The following COL4A2 variants were observed in gnomAD, a reference collection of about 807,000 sequenced individuals.
COL4A2 encodes the protein collagen alpha-2(IV) chain.
Under a neutral mutation model 200.2 loss-of-function variants are expected in COL4A2, and 99 were observed. That is an observed-to-expected ratio of 0.49 (90% CI 0.42 to 0.58). The LOEUF is 0.58. Ranked by LOEUF, COL4A2 falls within the 20% of genes least tolerant of loss-of-function variation. The pLI, the probability that COL4A2 is intolerant of heterozygous loss-of-function variation, is 0.00. For synonymous variants in COL4A2, 897 were observed against 900.6 expected (o/e 1.00, Z 0.07); for missense variants, 1,950 against 2,314.1 (o/e 0.84, Z 3.23).
chr13:110,453,791 A>G (rs1881625241), intron 20 of COL4A2, among the ~76,000 whole-genome samples: 1 of 152,196 alleles, frequency 6.6e-6, no homozygotes, highest in Non-Finnish European at 1.5e-5. Flanking sequence ...CTAATTATAT[A>G]TATTACCCCT....
chr13:110,493,390 A>G, intron 39 of COL4A2, 108 bp downstream of exon 39: 2 of 1,217,812 alleles, frequency 1.6e-6, no homozygotes, highest in South Asian at 2.6e-5. Context: ...CTCAGAGAGC[A>G]GGGTGGGCTT....
In COL4A2 at chr13:110,511,941, C is replaced by T. The variant is rs750683535; in HGVS notation, c.4889C>T (p.Ala1630Val). The change falls in exon 48 of 48, where the codon GCG becomes GTG. Residue 1630 changes from alanine to valine, a missense_variant. Physicochemically the swap from Ala to Val is moderately conservative, Grantham distance 64. Transcript: ENST00000360467. ...WIGYSFLMHT[A>V]AGDEGGGQSL... ...GCCCCCCTCTCTGTGCAGCACACGG[C>T]GGCGGGAGACGAAGGCGGTGGCCAA... is the stretch of plus-strand genomic sequence containing the variant. The T allele has an allele frequency of 2.7e-5, 44 of 1,613,364 alleles. 1 individual carries two copies. Among genetic ancestry groups the T allele is most frequent in the South Asian group, 2.1e-4 (19 of 91,090 alleles).
Position 110,445,758 on chromosome 13 carries a change from A to G in COL4A2, c.958-71A>G, listed in dbSNP as rs377474354. ...TGTTGTTCATTTTGTGAGATATAAT[A>G]ATGCCATTGCAGTCCCTTTTTGGAG... On this transcript the variant is annotated intron_variant, in intron 16 of 47. Transcript: ENST00000360467. The G allele has an allele frequency of 1.3e-4, 195 of 1,546,674 alleles. No individual in the cohort carries two copies. In the African/African-American group the frequency reaches 2.5e-3, roughly 20 times the overall value.
intron 37 of COL4A2, among the ~76,000 whole-genome samples, chr13:110,491,755 T>G (rs452020): frequency 6.6e-6 from 1 of 152,158 alleles, no homozygotes; most frequent in Admixed American, 6.5e-5. Context: ...CACCGGGGAA[T>G]GCCAAGAGGC....
In COL4A2 at chr13:110,363,921, G is replaced by C. The variant is rs532355696; in HGVS notation, c.180+6369G>C. Among the ~76,000 whole-genome samples, 455 of 152,242 alleles carry C rather than the reference G, an allele frequency of 3.0e-3. 2 individuals are homozygous for C. The highest frequency in any genetic ancestry group is 0.011 in the African/African-American group (444 of 41,536). On this transcript the variant is annotated intron_variant, in intron 4 of 47. Transcript: ENST00000360467. ...TCACCATGTTGGCCAGGCTGGTCTC[G>C]AACTTCTGACCTCAGGTGAGCCGCC... is the stretch of plus-strand genomic sequence containing the variant.
At chr13:110,342,928 A>G (rs1876523299) in intron 3 of COL4A2, among the ~76,000 whole-genome samples, 1 of 152,190 alleles carries the variant, frequency 6.6e-6, no homozygotes, top group African/African-American at 2.4e-5. Flanking sequence ...TAGAAAAATC[A>G]ACTGTCTTCA....
rs767410203 is a variant in COL4A2 at position 110,465,635 on chromosome 13, C to T, written c.1978+29C>T. 5.1e-6 allele frequency: 8 copies of T among 1,562,236 alleles called. No individual in the cohort carries two copies. The South Asian group carries it at 8.0e-5, about 16-fold the overall frequency. The stretch of plus-strand genomic sequence containing the variant: ...TGAAGGAATCCTCCCTTTTACCTTT[C>T]ACAGTCCTGAGACATTCCACGCTTT... On this transcript the variant is annotated intron_variant, in intron 25 of 47. Coordinates refer to ENST00000360467, the MANE Select transcript of COL4A2 (RefSeq NM_001846.4).
Position 110,484,943 on chromosome 13 carries a change from G to A in COL4A2, c.2941G>A (p.Val981Ile). 6.2e-7 allele frequency: 1 copy of A among 1,613,128 alleles called. No individual in the cohort carries two copies. The highest frequency in any genetic ancestry group is 8.5e-7 in the Non-Finnish European group (1 of 1,179,226). Reference protein sequence around the residue: ...GDPGPPGPPPVILPGMKDIKG... With the variant: ...GDPGPPGPPPIILPGMKDIKG... ...CCCTGGGCCCCCAGGACCACCTCCT[G>A]TCATCCTGCCAGGAATGAAAGACAT... Residue 981 changes from valine to isoleucine, a missense_variant, in exon 33 of 48, where the codon GTC becomes ATC. This residue lies in a region of COL4A2 where 1,385 missense variants were observed against 1,720.5 expected (regional missense o/e 0.80). Transcript: ENST00000360467.
intron 3 of COL4A2, among the ~76,000 whole-genome samples, chr13:110,310,527 G>C (rs1353610908): frequency 6.6e-6 from 1 of 152,180 alleles, no homozygotes. Flanking sequence ...GTTGTTAAGA[G>C]ACATGTAGTT....
intron 3 of COL4A2, among the ~76,000 whole-genome samples, chr13:110,356,463 C>A (rs1162591498): frequency 6.6e-6 from 1 of 152,210 alleles, no homozygotes; most frequent in Non-Finnish European, 1.5e-5. Flanking sequence ...CTCACATGGC[C>A]CTCCCTTTGA....
intron 6 of COL4A2, among the ~76,000 whole-genome samples, chr13:110,425,842 G>T (rs1350618016): frequency 6.6e-6 from 1 of 152,218 alleles, no homozygotes; most frequent in Non-Finnish European, 1.5e-5. Flanking sequence ...TGAGTGAGTG[G>T]AGGGCAGTGC....
At chr13:110,311,128 C>G (rs1409288579) in intron 3 of COL4A2, among the ~76,000 whole-genome samples, 2 of 152,060 alleles carry the variant, frequency 1.3e-5, no homozygotes, top group Non-Finnish European at 2.9e-5. Flanking sequence ...GGAGGCTCTC[C>G]CCCTCCTTCC....
In COL4A2 at chr13:110,512,441, C is replaced by T. The variant is rs1035575878; in HGVS notation, c.*250C>T. ...CCTGGCCCCCATCAGCCCTGCTAGACGCACCGCCTGAAGGCACAGCTAACC... is the reference window on the plus strand; with the variant it reads ...CCTGGCCCCCATCAGCCCTGCTAGATGCACCGCCTGAAGGCACAGCTAACC... On this transcript the variant is annotated 3_prime_UTR_variant, in exon 48 of 48. Transcript: ENST00000360467. 1.3e-5 allele frequency: 8 copies of T among 599,862 alleles called. No homozygotes were observed. The highest frequency in any genetic ancestry group is 3.3e-5 in the Admixed American group (1 of 30,700). 37.2% of individuals were successfully genotyped at this position (599,862 alleles called of 1,614,324 possible).
At chr13:110,449,825 A>AT in intron 19 of COL4A2, 36 bp downstream of exon 19, 1 of 1,539,076 alleles carries the variant, frequency 6.5e-7, no homozygotes. Flanking sequence ...CCGGAGACCC[A>AT]AAGCACCTGC....
chr13:110,393,171 C>T (rs1162098019), intron 4 of COL4A2, among the ~76,000 whole-genome samples: 1 of 152,178 alleles, frequency 6.6e-6, no homozygotes, highest in Non-Finnish European at 1.5e-5. Context: ...ATGCTGAATA[C>T]AGTTCATCTC....
Position 110,506,563 on chromosome 13 carries a change from G to A in COL4A2, c.4551G>A (p.Leu1517=). Residue 1517 remains leucine, a synonymous_variant, in exon 46 of 48, where the codon CTG becomes CTA. Coordinates refer to ENST00000360467, the MANE Select transcript of COL4A2 (RefSeq NM_001846.4). ...ACAAACTCTGGAGTGGATACAGCCT[G>A]CTGTACTTCGAGGGCCAGGAGAAGG... ...GMNKLWSGYS[L]LYFEGQEKAH... The A allele has an allele frequency of 6.2e-7, 1 of 1,613,100 alleles. No homozygotes were observed. Among genetic ancestry groups the A allele is most frequent in the Non-Finnish European group, 8.5e-7 (1 of 1,179,678 alleles).
chr13:110,513,031 C>T lies in COL4A2; in HGVS notation c.*840C>T, dbSNP rs543766619. Reference sequence around the variant, plus strand: ...CTTGGTTCTGAATATTTTTAAACCCCGAGTTGTTGACCGCCTTAATCTCGT... The same window carrying T: ...CTTGGTTCTGAATATTTTTAAACCCTGAGTTGTTGACCGCCTTAATCTCGT... On this transcript the variant is annotated 3_prime_UTR_variant, in exon 48 of 48. Coordinates refer to ENST00000360467, the MANE Select transcript of COL4A2 (RefSeq NM_001846.4). 2.0e-5 allele frequency: 3 copies of T among 152,158 alleles called. No homozygotes were observed. Among genetic ancestry groups the T allele is most frequent in the Admixed American group, 6.5e-5 (1 of 15,280 alleles). 9.4% of individuals were successfully genotyped at this position (152,158 alleles called of 1,614,324 possible).
chr13:110,414,690 A>G (rs1437413557), intron 4 of COL4A2, among the ~76,000 whole-genome samples: 2 of 152,236 alleles, frequency 1.3e-5, no homozygotes, highest in East Asian at 1.9e-4. Flanking sequence ...CAAAAAGCAG[A>G]GATGTAAATG....
chr13:110,400,999 A>G (rs1879354121), intron 4 of COL4A2, among the ~76,000 whole-genome samples: 1 of 152,244 alleles, frequency 6.6e-6, no homozygotes. Context: ...GAATTTTCCT[A>G]AGACCTTGAG....
Sources: gnomAD v4.1 joint callset for allele counts (sites outside exome capture counted in the v4.1 genomes callset) on GRCh38, gnomAD v4.1.1 for gene constraint, gnomAD v4.1.1 regional missense constraint, MANE v1.5 for transcripts, NCBI Gene and HGNC (gene_info 2026-07-23, HGNC 2026-07-21) for gene names.